Variants in JMJD1C observed in about 807,000 individuals in gnomAD.
JMJD1C encodes jumonji domain containing 1C, also known as jumonji domain-containing protein 1C.
Under a neutral mutation model 245.3 loss-of-function variants are expected in JMJD1C, and 31 were observed. The observed-to-expected ratio is 0.13, with a 90% CI of 0.09 to 0.17. The LOEUF (loss-of-function observed/expected upper bound fraction) is 0.17. Ranked by LOEUF, JMJD1C falls within the 10% of genes least tolerant of loss-of-function variation. The pLI is 1.00. For missense variants in JMJD1C, 2,691 were observed against 3,000.2 expected, an observed-to-expected ratio of 0.90 and a Z score of 2.41; for synonymous variants, 1,057 against 1,017.4, an observed-to-expected ratio of 1.04 and a Z score of -0.74.
chr10:63,191,494 T>C (rs968864251), intron 16 of JMJD1C, among the ~76,000 whole-genome samples: 3 of 152,158 alleles, frequency 2.0e-5, no homozygotes, highest in Non-Finnish European at 4.4e-5. Flanking sequence ...GGCCCCAGCA[T>C]TTTCTACTGT....
At chr10:63,487,553 CACTG>C (rs1437475246) in intron 1 of JMJD1C, among the ~76,000 whole-genome samples, 2 of 152,192 alleles carry the variant, frequency 1.3e-5, no homozygotes, top group Non-Finnish European at 2.9e-5. Flanking sequence ...TGCTGAGAAA[CACTG>C]ACTGATCCAG....
At chr10:63,424,932 C>T (rs990276453) in intron 1 of JMJD1C, among the ~76,000 whole-genome samples, 3 of 152,164 alleles carry the variant, frequency 2.0e-5, no homozygotes, top group South Asian at 2.1e-4. Context: ...GAAATCCTCC[C>T]GCCACTATTT....
At chr10:63,251,390 C>CA (rs1178995007) in intron 3 of JMJD1C, among the ~76,000 whole-genome samples, 3 of 152,076 alleles carry the variant, frequency 2.0e-5, no homozygotes, top group Non-Finnish European at 2.9e-5. Context: ...ACACAACTGA[C>CA]AGATACATTG....
intron 10 of JMJD1C, among the ~76,000 whole-genome samples, chr10:63,205,732 A>G (rs1478141480): frequency 6.6e-6 from 1 of 152,238 alleles, no homozygotes; most frequent in Non-Finnish European, 1.5e-5. Context: ...ATTGTAACAC[A>G]AAGTATTTAC....
intron 2 of JMJD1C, among the ~76,000 whole-genome samples, chr10:63,360,098 C>T (rs72835387): frequency 0.2 from 30,625 of 151,810 alleles, 4,049 homozygotes; most frequent in Non-Finnish European, 0.29. Flanking sequence ...TCAATAGAGG[C>T]CAACAGTTGA....
intron 1 of JMJD1C, among the ~76,000 whole-genome samples, chr10:63,481,040 T>C (rs1036703079): frequency 2.0e-5 from 3 of 152,234 alleles, no homozygotes; most frequent in African/African-American, 4.8e-5. Flanking sequence ...CACTCATGTG[T>C]TGACATTATA....
At chr10:63,296,993 ATG>A (rs1328357764) in intron 2 of JMJD1C, among the ~76,000 whole-genome samples, 1 of 152,172 alleles carries the variant, frequency 6.6e-6, no homozygotes, top group East Asian at 1.9e-4. Context: ...CTTGAACCAT[ATG>A]TGTTTCTTTC....
chr10:63,347,614 G>C (rs543897716), intron 2 of JMJD1C, among the ~76,000 whole-genome samples: 2 of 145,344 alleles, frequency 1.4e-5, no homozygotes, highest in South Asian at 4.4e-4. Flanking sequence ...AAAAGAAAAA[G>C]AAAAAAAGAA....
At chr10:63,170,130 GTTC>G (rs575759073) in intron 24 of JMJD1C, among the ~76,000 whole-genome samples, 7 of 152,180 alleles carry the variant, frequency 4.6e-5, no homozygotes, top group South Asian at 4.1e-4. Context: ...TGTATACTTG[GTTC>G]TTTTTTTATA....
At chr10:63,184,054 A>AG (rs56369591) in intron 21 of JMJD1C, among the ~76,000 whole-genome samples, 100,669 of 151,154 alleles carry the variant, frequency 0.67, 36,046 homozygotes, top group Non-Finnish European at 0.81. Flanking sequence ...CAGCCTCCTG[A>AG]TAGCTGGGAC....
At chr10:63,323,101 A>G (rs2134120317) in intron 2 of JMJD1C, among the ~76,000 whole-genome samples, 1 of 152,332 alleles carries the variant, frequency 6.6e-6, no homozygotes, top group South Asian at 2.1e-4. Flanking sequence ...AGACCAAAGC[A>G]GCACTGGGTA....
At chr10:63,305,282 C>G (rs1281373531) in intron 2 of JMJD1C, among the ~76,000 whole-genome samples, 1 of 150,988 alleles carries the variant, frequency 6.6e-6, no homozygotes, top group Non-Finnish European at 1.5e-5. Context: ...GCAGGAGAAT[C>G]GCTTGAACCC....
chr10:63,208,608 C>G lies in JMJD1C; in HGVS notation c.3061G>C (p.Glu1021Gln), dbSNP rs748884911. ...TGERLNKYKE[E>Q]HRRILQESID... ...CTTTCTTGAAGAATTCGACGGTGTT[C>G]CTCTTTGTATTTGTTTAACCTCTCT... is the stretch of plus-strand genomic sequence containing the variant. The change falls in exon 10 of 26, where the codon GAA (glutamate) becomes CAA (glutamine). Residue 1021 changes from glutamate (E) to glutamine (Q), a missense_variant. Around this residue, in one of 9 missense-constraint regions of JMJD1C, gnomAD observed 1,562 missense variants for 1,490.7 expected, o/e 1.05. Transcript: ENST00000399262. 6.2e-7 allele frequency: 1 copy of G among 1,613,880 alleles called. No homozygotes were observed. Among genetic ancestry groups the G allele is most frequent in the African/African-American group, 1.3e-5 (1 of 74,996 alleles).
chr10:63,190,946 C>T lies in JMJD1C; in HGVS notation c.6239G>A (p.Gly2080Glu). The T allele has an allele frequency of 6.2e-7, 1 of 1,614,026 alleles. No individual in the cohort carries two copies. The highest frequency in any genetic ancestry group is 2.2e-5 in the East Asian group (1 of 44,878). ...LTTTAGKLRV[G>E]STDAGIAFAP... ...AAAGGCAATGCCAGCATCTGTAGACCCCACACGTAGCTTTCCAGCTGTTGT... is the reference window on the plus strand; with the variant it reads ...AAAGGCAATGCCAGCATCTGTAGACTCCACACGTAGCTTTCCAGCTGTTGT... The change falls in exon 17 of 26, where the codon GGG (glycine) becomes GAG (glutamate). Residue 2080 changes from glycine (G) to glutamate (E), a missense_variant. Transcript: ENST00000399262.
chr10:63,314,429 A>C (rs1214222817), intron 2 of JMJD1C, among the ~76,000 whole-genome samples: 1 of 152,144 alleles, frequency 6.6e-6, no homozygotes, highest in East Asian at 1.9e-4. Context: ...CCATAGTGGC[A>C]CACACCTGTA....
At chr10:63,183,346 G>C (rs757906628) in intron 22 of JMJD1C, 101 bp downstream of exon 22, 12 of 1,073,830 alleles carry the variant, frequency 1.1e-5, no homozygotes, top group Non-Finnish European at 1.5e-5. Flanking sequence ...AATTCTTTTT[G>C]AAATCTTCGC....
intron 1 of JMJD1C, among the ~76,000 whole-genome samples, chr10:63,510,650 A>G (rs1471057877): frequency 6.6e-6 from 1 of 152,166 alleles, no homozygotes; most frequent in East Asian, 1.9e-4. Flanking sequence ...TAAGCTTGAG[A>G]AGAATGTGTA....
At chr10:63,433,722 A>C (rs755632150) in intron 1 of JMJD1C, among the ~76,000 whole-genome samples, 3 of 150,972 alleles carry the variant, frequency 2.0e-5, no homozygotes, top group Admixed American at 1.3e-4. Context: ...AGTAGCTGAT[A>C]CTACACACGT....
At chr10:63,381,675 AATTAGAAAGGAC>A (rs1947231436) in intron 1 of JMJD1C, among the ~76,000 whole-genome samples, 1 of 152,190 alleles carries the variant, frequency 6.6e-6, no homozygotes, top group Non-Finnish European at 1.5e-5. Flanking sequence ...CATGAACTTG[AATTAGAAAGGAC>A]ATTAACAAAT....
Sources: allele counts gnomAD v4.1 joint callset (sites outside exome capture counted in the v4.1 genomes callset), GRCh38; gene constraint gnomAD v4.1.1; regional missense constraint gnomAD v4.1.1; transcripts MANE v1.5; gene names NCBI Gene and HGNC (gene_info 2026-07-23, HGNC 2026-07-21).